Variants in MS4A13 observed in about 807,000 individuals in gnomAD.
MS4A13 encodes membrane spanning 4-domains A13, also known as membrane-spanning 4-domains subfamily A member 13.
A neutral mutation model predicts 18.4 loss-of-function variants in MS4A13; 21 were observed. That is an observed-to-expected ratio of 1.14 (90% CI 0.81 to 1.64). The LOEUF is 1.64. Among genes scored for constraint, MS4A13 ranks in the 40% most tolerant of loss-of-function variants. MS4A13 has a pLI of 0.00. For missense variants in MS4A13, 173 were observed against 176.8 expected (o/e 0.98, Z 0.12); for synonymous variants, 62 against 57.2 (o/e 1.08, Z -0.38).
chr11:60,528,296 C>T (rs2086735278), intron 5 of MS4A13, among the ~76,000 whole-genome samples: 1 of 152,140 alleles, frequency 6.6e-6, no homozygotes, highest in African/African-American at 2.4e-5. Context: ...TTTAAAGTTG[C>T]CTAGAATGCT....
At chr11:60,539,653 C>A (rs755809160) in intron 6 of MS4A13, among the ~76,000 whole-genome samples, 9 of 152,040 alleles carry the variant, frequency 5.9e-5, no homozygotes, top group Non-Finnish European at 1.3e-4. Context: ...AGAGATCCTC[C>A]TAGACACCTC....
At chr11:60,538,875 G>A (rs2086833819) in intron 6 of MS4A13, among the ~76,000 whole-genome samples, 1 of 131,664 alleles carries the variant, frequency 7.6e-6, no homozygotes, top group Admixed American at 8.2e-5. Context: ...AGGGTTGAAT[G>A]CATCTCCATT....
At chr11:60,524,835 T>G (rs568550115) in intron 4 of MS4A13, among the ~76,000 whole-genome samples, 1 of 152,176 alleles carries the variant, frequency 6.6e-6, no homozygotes, top group African/African-American at 2.4e-5. Flanking sequence ...AATTTTTTTG[T>G]ATTTTTACTA....
At chr11:60,518,241 A>C in intron 3 of MS4A13, 29 bp downstream of exon 3, 1 of 1,544,444 alleles carries the variant, frequency 6.5e-7, no homozygotes, top group Non-Finnish European at 8.8e-7. Flanking sequence ...TATTGCTTTA[A>C]TCATACAATA....
intron 6 of MS4A13, among the ~76,000 whole-genome samples, chr11:60,539,433 C>G (rs1308346785): frequency 6.6e-6 from 1 of 151,624 alleles, no homozygotes; most frequent in Non-Finnish European, 1.5e-5. Context: ...ATTGCCCAGT[C>G]CGAAGAACAG....
Position 60,538,596 on chromosome 11 carries a change from A to AT in MS4A13, c.403-3921dup, listed in dbSNP as rs201606485. Among the ~76,000 whole-genome samples the AT allele has an allele frequency of 1.6e-3, 238 of 147,952 alleles. 1 individual carries two copies. The highest frequency in any genetic ancestry group is 5.6e-3 in the African/African-American group (227 of 40,502). On this transcript the variant is annotated intron_variant, in intron 6 of 6. Transcript: ENST00000378186. ...TTAAGAAATAAAAATAAAAAAAAAA[A>AT]TTGCAGGGACAGTACAGAAATTTTT...
chr11:60,528,338 C>T (rs2086735556), intron 5 of MS4A13, among the ~76,000 whole-genome samples: 1 of 152,176 alleles, frequency 6.6e-6, no homozygotes, highest in African/African-American at 2.4e-5. Context: ...CAGTCCTACC[C>T]TTATTTCAAA....
At chr11:60,543,292 A>G (rs187318853), downstream of MS4A13, among the ~76,000 whole-genome samples, 5 of 152,286 alleles carry the variant, frequency 3.3e-5, no homozygotes, top group African/African-American at 9.6e-5. Context: ...ATGTTTCACT[A>G]ATTGTTATCT....
chr11:60,522,215 GATAGA>G (rs1441028935), intron 3 of MS4A13, among the ~76,000 whole-genome samples: 1 of 31,424 alleles, frequency 3.2e-5, no homozygotes, highest in East Asian at 2.0e-3. Flanking sequence ...TAGATAGATA[GATAGA>G]TAGATAGATA....
intron 6 of MS4A13, among the ~76,000 whole-genome samples, chr11:60,531,187 A>T (rs4938954): frequency 0.16 from 24,967 of 152,010 alleles, 2,296 homozygotes; most frequent in East Asian, 0.27. Flanking sequence ...GAAAGTTCCA[A>T]GACCAAAAGC....
In MS4A13 at chr11:60,524,104, A is replaced by G; in HGVS notation, c.186+151A>G. The G allele has an allele frequency of 5.5e-6, 3 of 550,430 alleles. No individual in the cohort carries two copies. In the South Asian group the frequency reaches 7.9e-5, roughly 14 times the overall value. The allele number at this position is 550,430 out of a possible 1,614,324, so 34.1% of individuals were successfully genotyped here. On this transcript the variant is annotated intron_variant, in intron 4 of 6. Coordinates refer to ENST00000378186, the MANE Select transcript of MS4A13 (RefSeq NM_001012417.3). The stretch of plus-strand genomic sequence containing the variant: ...TTAAGAATGAATCTAGAAGAACATA[A>G]TTTAATATAGACAAATATACTGTAT...
At chr11:60,528,706 C>A (rs568643702) in intron 5 of MS4A13, among the ~76,000 whole-genome samples, 32 of 152,208 alleles carry the variant, frequency 2.1e-4, no homozygotes, top group Non-Finnish European at 4.1e-4. Context: ...GCACAAAACC[C>A]ACATTTTCAG....
intron 6 of MS4A13, among the ~76,000 whole-genome samples, chr11:60,536,807 G>C (rs1168696106): frequency 9.6e-6 from 1 of 104,148 alleles, no homozygotes; most frequent in Non-Finnish European, 1.8e-5. Flanking sequence ...AAAACAGCAT[G>C]GTACTGGTAC....
chr11:60,525,348 A>T (rs2086706497), intron 5 of MS4A13, 22 bp downstream of exon 5: 1 of 1,487,560 alleles, frequency 6.7e-7, no homozygotes, highest in Non-Finnish European at 9.0e-7. Context: ...ATTCTATGGG[A>T]ACATATTAAT....
chr11:60,541,081 A>AC lies in MS4A13; in HGVS notation c.403-1436dup, dbSNP rs538597507. 1.7e-3 allele frequency among the ~76,000 whole-genome samples: 265 copies of AC among 152,366 alleles called. 3 individuals carry two copies. Among genetic ancestry groups the AC allele is most frequent in the African/African-American group, 6.1e-3 (255 of 41,588 alleles). ...TAAAATGACAGAGATATTTTAAAGT[A>AC]CCTACTGGAATGACTGAATTTCAAA... is the stretch of plus-strand genomic sequence containing the variant. On this transcript the variant is annotated intron_variant, in intron 6 of 6. Transcript: ENST00000378186.
intron 5 of MS4A13, among the ~76,000 whole-genome samples, chr11:60,527,597 A>G (rs1041916436): frequency 2.6e-5 from 4 of 152,116 alleles, no homozygotes; most frequent in Non-Finnish European, 5.9e-5. Flanking sequence ...GCACTTTGGA[A>G]GGCCAAGGCA....
At chr11:60,532,450 TGC>T (rs1453205627) in intron 6 of MS4A13, among the ~76,000 whole-genome samples, 1 of 152,154 alleles carries the variant, frequency 6.6e-6, no homozygotes, top group Admixed American at 6.5e-5. Flanking sequence ...ACCCGAATAT[TGC>T]GCTTTTCAGA....
At chr11:60,524,820 C>T (rs1008836005) in intron 4 of MS4A13, among the ~76,000 whole-genome samples, 30 of 152,156 alleles carry the variant, frequency 2.0e-4, no homozygotes, top group Admixed American at 1.4e-3. Flanking sequence ...CCACCAAGCC[C>T]GGCTAATTTT....
chr11:60,539,081 A>G (rs1269432347), intron 6 of MS4A13, among the ~76,000 whole-genome samples: 1 of 143,198 alleles, frequency 7.0e-6, no homozygotes, highest in Non-Finnish European at 1.5e-5. Flanking sequence ...ATAGCCCAGG[A>G]CAGCCAACAA....
Sources: allele counts gnomAD v4.1 joint callset (sites outside exome capture counted in the v4.1 genomes callset), GRCh38; gene constraint gnomAD v4.1.1; transcripts MANE v1.5; gene names NCBI Gene and HGNC (gene_info 2026-07-23, HGNC 2026-07-21).